The following STAG1 variants were observed in gnomAD, a reference collection of about 807,000 sequenced individuals.
STAG1 encodes STAG1 cohesin complex component, also known as cohesin subunit SA-1.
In STAG1, 26 loss-of-function variants were observed where a neutral mutation model predicts 170.9. The observed-to-expected ratio is 0.15, with a 90% CI of 0.11 to 0.21. The LOEUF (loss-of-function observed/expected upper bound fraction) is 0.21, where lower values mean the gene tolerates loss of function less well. STAG1 is among the 10% of genes least tolerant of loss of function. The pLI is 1.00. For synonymous variants in STAG1, 514 were observed against 497.7 expected, an observed-to-expected ratio of 1.03 and a Z score of -0.44; for missense variants, 964 against 1,509.5, an observed-to-expected ratio of 0.64 and a Z score of 5.99.
chr3:136,427,449 C>T (rs1353346756), intron 16 of STAG1, among the ~76,000 whole-genome samples: 1 of 152,116 alleles, frequency 6.6e-6, no homozygotes, highest in Non-Finnish European at 1.5e-5. Flanking sequence ...TCTTGTGGTT[C>T]TCACTTACCA....
intron 6 of STAG1, among the ~76,000 whole-genome samples, chr3:136,527,496 A>C: frequency 6.6e-6 from 1 of 152,142 alleles, no homozygotes; most frequent in Admixed American, 6.5e-5. Context: ...CCATTCGTCC[A>C]GTCTTTTTTT....
At chr3:136,377,562 CAT>C in intron 23 of STAG1, 96 bp downstream of exon 23, 1 of 871,682 alleles carries the variant, frequency 1.1e-6, no homozygotes. Flanking sequence ...TAGGAATGAA[CAT>C]GTGTACAAAA....
intron 22 of STAG1, among the ~76,000 whole-genome samples, chr3:136,385,901 T>C (rs1054608726): frequency 6.6e-6 from 1 of 152,048 alleles, no homozygotes; most frequent in African/African-American, 2.4e-5. Context: ...AAGGTCTTGA[T>C]ATGTTGCTCA....
chr3:136,466,352 G>A (rs908370228), intron 12 of STAG1, among the ~76,000 whole-genome samples: 7 of 152,156 alleles, frequency 4.6e-5, no homozygotes, highest in South Asian at 2.1e-4. Context: ...ACTACGTGAC[G>A]AATGCACAAG....
At chr3:136,742,293 C>G (rs1934707628) in intron 1 of STAG1, among the ~76,000 whole-genome samples, 1 of 152,072 alleles carries the variant, frequency 6.6e-6, no homozygotes, top group Non-Finnish European at 1.5e-5. Flanking sequence ...CCAAGATGGA[C>G]CATATGCTGG....
At chr3:136,607,978 C>T (rs1576661092) in intron 3 of STAG1, among the ~76,000 whole-genome samples, 2 of 152,168 alleles carry the variant, frequency 1.3e-5, no homozygotes, top group South Asian at 2.1e-4. Context: ...ACTGGTTGGC[C>T]GGGCACAATG....
In STAG1 at chr3:136,542,325, A is replaced by T. The variant is rs73863627; in HGVS notation, c.395-130T>A. 1,081 of 674,068 alleles carry T rather than the reference A, an allele frequency of 1.6e-3. 11 individuals carry two copies. In the African/African-American group the frequency reaches 0.018, roughly 11 times the overall value. 41.8% of individuals were successfully genotyped at this position (674,068 alleles called of 1,614,324 possible). On this transcript the variant is annotated intron_variant, in intron 5 of 33. Coordinates refer to ENST00000383202, the MANE Select transcript of STAG1 (RefSeq NM_005862.3). ...CCTTCCAACATATATTTTATATTAAAACATAAAATGTTGTTTGATCAGGCC... is the reference window on the plus strand; with the variant it reads ...CCTTCCAACATATATTTTATATTAATACATAAAATGTTGTTTGATCAGGCC...
chr3:136,496,552 C>T (rs951325049), intron 9 of STAG1, among the ~76,000 whole-genome samples: 1 of 151,968 alleles, frequency 6.6e-6, no homozygotes, highest in Non-Finnish European at 1.5e-5. Context: ...CAAAATAATC[C>T]ATGGGTGAAA....
intron 16 of STAG1, among the ~76,000 whole-genome samples, chr3:136,430,673 A>G (rs1417556044): frequency 6.6e-6 from 1 of 151,874 alleles, no homozygotes; most frequent in Non-Finnish European, 1.5e-5. Context: ...TTTTAAGTTT[A>G]AAAATTTGTG....
intron 6 of STAG1, among the ~76,000 whole-genome samples, chr3:136,527,775 C>A (rs538265529): frequency 6.6e-6 from 1 of 152,042 alleles, no homozygotes; most frequent in East Asian, 1.9e-4. Flanking sequence ...TGTGGATGTC[C>A]TTTCTGTTTG....
chr3:136,498,324 G>A (rs1403295582), intron 9 of STAG1, among the ~76,000 whole-genome samples: 61 of 130,936 alleles, frequency 4.7e-4, no homozygotes, highest in Non-Finnish European at 8.3e-4. Flanking sequence ...TACACATTAC[G>A]GCTAGCAACG....
intron 9 of STAG1, among the ~76,000 whole-genome samples, chr3:136,486,153 C>T (rs1470661922): frequency 6.6e-6 from 1 of 152,182 alleles, no homozygotes; most frequent in African/African-American, 2.4e-5. Context: ...AGTAAGTATT[C>T]TTTCTTGAAG....
At chr3:136,607,582 T>C (rs185838553) in intron 3 of STAG1, among the ~76,000 whole-genome samples, 9 of 152,268 alleles carry the variant, frequency 5.9e-5, no homozygotes, top group Admixed American at 5.2e-4. Context: ...TTTGTGTTTT[T>C]AGTAGAGATG....
At chr3:136,705,859 T>G (rs1335487424) in intron 1 of STAG1, among the ~76,000 whole-genome samples, 2 of 151,944 alleles carry the variant, frequency 1.3e-5, no homozygotes, top group Non-Finnish European at 2.9e-5. Flanking sequence ...AACAAACAAA[T>G]GGCCAGACAC....
intron 1 of STAG1, among the ~76,000 whole-genome samples, chr3:136,737,739 T>C (rs1934421553): frequency 6.6e-6 from 1 of 152,138 alleles, no homozygotes; most frequent in Non-Finnish European, 1.5e-5. Context: ...GAGCTAACAT[T>C]CCAGAGGGAA....
At chr3:136,562,847 C>CA (rs1210105353) in intron 5 of STAG1, among the ~76,000 whole-genome samples, 1 of 152,158 alleles carries the variant, frequency 6.6e-6, no homozygotes, top group African/African-American at 2.4e-5. Flanking sequence ...CTCAGCCTCC[C>CA]AAAGTGCTGG....
At chr3:136,418,253 G>A (rs949627310) in intron 20 of STAG1, among the ~76,000 whole-genome samples, 9 of 150,588 alleles carry the variant, frequency 6.0e-5, no homozygotes, top group African/African-American at 2.2e-4. Flanking sequence ...CCAGCTACTC[G>A]GGAGGCTGAG....
chr3:136,724,686 T>C (rs1195379208), intron 1 of STAG1, among the ~76,000 whole-genome samples: 1 of 151,924 alleles, frequency 6.6e-6, no homozygotes, highest in Non-Finnish European at 1.5e-5. Context: ...CTGTGCTCAG[T>C]AGCTCAGAGC....
At chr3:136,502,924 A>C in intron 7 of STAG1, 145 bp from the exon 8 acceptor site, 1 of 637,754 alleles carries the variant, frequency 1.6e-6, no homozygotes, top group Non-Finnish European at 2.3e-6. Flanking sequence ...TAAATAAAAG[A>C]TAACTAATTT....
Sources: allele counts gnomAD v4.1 joint callset (sites outside exome capture counted in the v4.1 genomes callset), GRCh38; gene constraint gnomAD v4.1.1; transcripts MANE v1.5; gene names NCBI Gene and HGNC (gene_info 2026-07-23, HGNC 2026-07-21).